PDE3B: variants seen among roughly 807,000 people sequenced by gnomAD.
PDE3B encodes the protein phosphodiesterase 3B.
In PDE3B, 66 loss-of-function variants were observed where a neutral mutation model predicts 116.8. The observed-to-expected ratio is 0.56, with a 90% CI of 0.46 to 0.69. The LOEUF (loss-of-function observed/expected upper bound fraction) is 0.69, where lower values mean the gene tolerates loss of function less well. Among genes scored for constraint, PDE3B ranks in the 30% least tolerant of loss-of-function variants. The probability of loss-of-function intolerance (pLI) is 0.00; values close to 1 mark genes in which losing one functional copy is unlikely to be tolerated. For missense variants in PDE3B, 1,384 were observed against 1,368.1 expected (o/e 1.01, Z -0.18); for synonymous variants, 595 against 533.6 (o/e 1.12, Z -1.59).
intron 1 of PDE3B, among the ~76,000 whole-genome samples, chr11:14,769,106 G>A (rs556594282): frequency 8.0e-4 from 121 of 151,472 alleles, no homozygotes; most frequent in African/African-American, 2.7e-3. Flanking sequence ...CTGCAAATAA[G>A]ATTGGGCTTT....
intron 1 of PDE3B, among the ~76,000 whole-genome samples, chr11:14,693,913 C>A (rs571833937): frequency 1.3e-5 from 2 of 152,200 alleles, no homozygotes; most frequent in East Asian, 3.9e-4. Context: ...AAAGGATTGA[C>A]CATTCTAGAT....
intron 1 of PDE3B, among the ~76,000 whole-genome samples, chr11:14,722,466 C>A (rs562338579): frequency 6.6e-6 from 1 of 152,142 alleles, no homozygotes; most frequent in South Asian, 2.1e-4. Flanking sequence ...AAGAGAGAAA[C>A]TTTTTCCAAA....
At chr11:14,817,613 C>T (rs1230908089) in intron 5 of PDE3B, among the ~76,000 whole-genome samples, 1 of 151,824 alleles carries the variant, frequency 6.6e-6, no homozygotes, top group African/African-American at 2.4e-5. Context: ...TAGCTGGGCA[C>T]GGTGGCCTGT....
rs769982672 is a variant in PDE3B, at chr11:14,713,329, A to G, written c.979-58608A>G. 1.2e-3 allele frequency among the ~76,000 whole-genome samples: 181 copies of G among 152,294 alleles called. 1 individual carries two copies. The highest frequency in any genetic ancestry group is 2.1e-3 in the Non-Finnish European group (140 of 68,024). ...CCTCACTGGATCACGGGATGACCAGATATTTGGTCAAATATTATTCTGAGT... is the reference window on the plus strand; with the variant it reads ...CCTCACTGGATCACGGGATGACCAGGTATTTGGTCAAATATTATTCTGAGT... On this transcript the variant is annotated intron_variant, in intron 1 of 15. Coordinates refer to ENST00000282096, the MANE Select transcript of PDE3B (RefSeq NM_000922.4).
intron 2 of PDE3B, 131 bp from the exon 3 acceptor site, chr11:14,786,306 A>G: frequency 1.6e-6 from 1 of 614,374 alleles, no homozygotes; most frequent in Admixed American, 3.6e-5. Context: ...CTAGCGAAAA[A>G]GAAAAAAATT....
chr11:14,798,320 G>A (rs979608603), intron 4 of PDE3B, among the ~76,000 whole-genome samples: 3 of 152,150 alleles, frequency 2.0e-5, no homozygotes, highest in Non-Finnish European at 4.4e-5. Context: ...ATGTGCTGCT[G>A]GATTCTGTTT....
At chr11:14,864,409 C>G (rs1555007752) in intron 14 of PDE3B, among the ~76,000 whole-genome samples, 1 of 152,104 alleles carries the variant, frequency 6.6e-6, no homozygotes, top group African/African-American at 2.4e-5. Flanking sequence ...AGAAAATTAA[C>G]AAGGATATTC....
chr11:14,847,339 C>T (rs1013513669), intron 12 of PDE3B, among the ~76,000 whole-genome samples: 5 of 151,142 alleles, frequency 3.3e-5, no homozygotes, highest in African/African-American at 1.2e-4. Flanking sequence ...ACATTCAAAG[C>T]AGTGTGTAGA....
chr11:14,741,547 G>GCCA (rs1856773701), intron 1 of PDE3B, among the ~76,000 whole-genome samples: 1 of 151,980 alleles, frequency 6.6e-6, no homozygotes, highest in Non-Finnish European at 1.5e-5. Flanking sequence ...TATTCAATTT[G>GCCA]CCAGTCCATG....
At chr11:14,876,025 G>T (rs1367529841), downstream of PDE3B, among the ~76,000 whole-genome samples, 1 of 152,186 alleles carries the variant, frequency 6.6e-6, no homozygotes, top group Non-Finnish European at 1.5e-5. Flanking sequence ...GTACTCAAAA[G>T]CAAAAGAAAG....
intron 7 of PDE3B, among the ~76,000 whole-genome samples, chr11:14,830,190 A>G (rs1859831310): frequency 6.6e-6 from 1 of 152,176 alleles, no homozygotes; most frequent in African/African-American, 2.4e-5. Context: ...TAACACGTGA[A>G]TGAATGCTAT....
At chr11:14,827,535 A>G (rs1859737113) in intron 7 of PDE3B, among the ~76,000 whole-genome samples, 1 of 152,174 alleles carries the variant, frequency 6.6e-6, no homozygotes, top group Non-Finnish European at 1.5e-5. Context: ...CCAAAACAAG[A>G]GCCAAACCAG....
At chr11:14,790,046 T>G (rs1858335934) in intron 4 of PDE3B, among the ~76,000 whole-genome samples, 2 of 152,058 alleles carry the variant, frequency 1.3e-5, no homozygotes, top group African/African-American at 2.4e-5. Flanking sequence ...TTTATACTTT[T>G]GAGCTGTATA....
rs372646628 is a variant in PDE3B at position 14,723,755 on chromosome 11, C to G, written c.979-48182C>G. On this transcript the variant is annotated intron_variant, in intron 1 of 15. Transcript: ENST00000282096. ...CCAGCCTGGGCAATAGAGTGAGACT[C>G]CATCTCAAAAAAAAAAACAAAAACC... is the stretch of plus-strand genomic sequence containing the variant. Among the ~76,000 whole-genome samples the G allele has an allele frequency of 5.3e-5, 8 of 151,354 alleles. No homozygotes were observed. The East Asian group carries it at 1.2e-3, about 22-fold the overall frequency.
chr11:14,834,902 A>G, intron 10 of PDE3B, 80 bp from the exon 11 acceptor site: 1 of 654,028 alleles, frequency 1.5e-6, no homozygotes, highest in East Asian at 2.7e-5. Flanking sequence ...TTTTATGAGG[A>G]TATAGTATGA....
At chr11:14,656,889 C>T (rs1382386817) in intron 1 of PDE3B, among the ~76,000 whole-genome samples, 1 of 152,018 alleles carries the variant, frequency 6.6e-6, no homozygotes, top group Non-Finnish European at 1.5e-5. Context: ...TTTATTGTCT[C>T]GATACTTCTC....
At chr11:14,662,067 C>A (rs1853940795) in intron 1 of PDE3B, among the ~76,000 whole-genome samples, 1 of 152,164 alleles carries the variant, frequency 6.6e-6, no homozygotes, top group African/African-American at 2.4e-5. Flanking sequence ...CAAGTAGGGG[C>A]AGACTGACAC....
At chr11:14,722,673 G>T (rs1444919129) in intron 1 of PDE3B, among the ~76,000 whole-genome samples, 1 of 152,196 alleles carries the variant, frequency 6.6e-6, no homozygotes, top group African/African-American at 2.4e-5. Flanking sequence ...ATTCTGCAGA[G>T]CTAGTTTAGT....
rs140637633 is a variant in PDE3B, at chr11:14,652,993, C to A, written c.978+7940C>A. Among the ~76,000 whole-genome samples the A allele has an allele frequency of 8.1e-3, 1,229 of 152,304 alleles. 16 individuals are homozygous for A. Among genetic ancestry groups the A allele is most frequent in the African/African-American group, 0.028 (1,170 of 41,548 alleles). ...TTTTCAGTGTATGAGTCTTTCACCT[C>A]CATGGTTAAGTTTATTCCTGAGCAT... is the stretch of plus-strand genomic sequence containing the variant. On this transcript the variant is annotated intron_variant, in intron 1 of 15. Transcript: ENST00000282096.
Sources: allele counts gnomAD v4.1 joint callset (sites outside exome capture counted in the v4.1 genomes callset), GRCh38; gene constraint gnomAD v4.1.1; transcripts MANE v1.5; gene names NCBI Gene and HGNC (gene_info 2026-07-23, HGNC 2026-07-21).